The following ZRANB3 variants were observed in gnomAD, a reference collection of about 807,000 sequenced individuals.
The protein encoded by ZRANB3 is DNA annealing helicase and endonuclease ZRANB3.
A neutral mutation model predicts 133.8 loss-of-function variants in ZRANB3; 125 were observed. That is an observed-to-expected ratio of 0.93 (90% confidence interval 0.81 to 1.08). The LOEUF is 1.08. Among genes scored for constraint, ZRANB3 ranks in the 50% least tolerant of loss-of-function variants. The pLI, the probability that ZRANB3 is intolerant of heterozygous loss-of-function variation, is 0.00. For synonymous variants in ZRANB3, 387 were observed against 432.7 expected (o/e 0.89, Z 1.31); for missense variants, 1,229 against 1,275.5 (o/e 0.96, Z 0.56).
chr2:135,277,352 C>T (rs530010431), intron 8 of ZRANB3, among the ~76,000 whole-genome samples: 1 of 152,252 alleles, frequency 6.6e-6, no homozygotes, highest in Admixed American at 6.5e-5. Flanking sequence ...TGTATACATG[C>T]GCAGAGCTTC....
intron 2 of ZRANB3, among the ~76,000 whole-genome samples, chr2:135,394,582 G>C (rs956501752): frequency 2.0e-5 from 3 of 152,248 alleles, no homozygotes; most frequent in South Asian, 2.1e-4. Context: ...AGGAGGAAAA[G>C]AGGAGATGTT....
At chr2:135,215,404 C>A (rs1694263257) in intron 17 of ZRANB3, among the ~76,000 whole-genome samples, 2 of 152,058 alleles carry the variant, frequency 1.3e-5, no homozygotes, top group South Asian at 4.1e-4. Context: ...ACTACAGGCA[C>A]CACCATGCCT....
At chr2:135,241,701 T>G (rs191675866) in intron 12 of ZRANB3, among the ~76,000 whole-genome samples, 14 of 152,234 alleles carry the variant, frequency 9.2e-5, no homozygotes, top group Admixed American at 8.5e-4. Flanking sequence ...GACTCCTAGA[T>G]TTTTGACTTG....
intron 2 of ZRANB3, among the ~76,000 whole-genome samples, chr2:135,460,127 C>A (rs1050315144): frequency 2.0e-5 from 3 of 152,062 alleles, no homozygotes; most frequent in Admixed American, 1.3e-4. Flanking sequence ...TTTAAATGTC[C>A]CTTCCTGACT....
chr2:135,278,946 G>A (rs188833467), intron 8 of ZRANB3, among the ~76,000 whole-genome samples: 12 of 152,186 alleles, frequency 7.9e-5, no homozygotes, highest in African/African-American at 2.6e-4. Context: ...TGTGAGAGTG[G>A]GGCAATAGGG....
intron 8 of ZRANB3, among the ~76,000 whole-genome samples, chr2:135,306,137 G>A (rs1414864185): frequency 6.6e-6 from 1 of 152,134 alleles, no homozygotes; most frequent in Non-Finnish European, 1.5e-5. Context: ...GACTTGGGAA[G>A]TTTTAAACTA....
intron 1 of ZRANB3, among the ~76,000 whole-genome samples, chr2:135,518,976 CTG>C (rs1199877757): frequency 3.9e-5 from 6 of 152,146 alleles, no homozygotes; most frequent in African/African-American, 1.4e-4. Flanking sequence ...ACAGGGGAAA[CTG>C]TTTCTGTCCC....
rs1477098469 is a variant in ZRANB3 at position 135,511,854 on chromosome 2, C to T, written c.-7-7358G>A. 17 of 764,972 alleles carry T rather than the reference C, an allele frequency of 2.2e-5. No homozygotes were observed. The East Asian group carries it at 3.9e-4, about 18-fold the overall frequency. 47.4% of individuals were successfully genotyped at this position (764,972 alleles called of 1,614,324 possible). A position where few individuals can be genotyped will look rare whatever the true frequency, so the allele number is the denominator to read the frequency against. The stretch of plus-strand genomic sequence containing the variant: ...AAGAGTTCCTTCCATAAAATCTATG[C>T]AGCATGTCTGGGGCCTAGTTCAGCA... On this transcript the variant is annotated intron_variant, in intron 1 of 20. Coordinates refer to ENST00000264159, the MANE Select transcript of ZRANB3 (RefSeq NM_032143.4).
rs1279957021 is a variant in ZRANB3, at chr2:135,224,510, C to T, written c.2166G>A (p.Trp722Ter). The stretch of plus-strand genomic sequence containing the variant: ...ACACTGGCAAAGTGTCTGAACTCTT[C>T]CACTGTTCTATTAAAGAAGACAAAA... ...GLTSQPGNEQ[W>*]KSSDTLPVYD... is the part of the protein sequence containing the mutation. The change falls in exon 15 of 21, where the codon TGG becomes TGA. Residue 722 changes from tryptophan to a stop codon, truncating the protein, a stop_gained. Coordinates refer to ENST00000264159, the MANE Select transcript of ZRANB3 (RefSeq NM_032143.4). LOFTEE classifies it high-confidence loss of function. 6.2e-7 allele frequency: 1 copy of T among 1,611,612 alleles called. No individual in the cohort carries two copies. The highest frequency in any genetic ancestry group is 8.5e-7 in the Non-Finnish European group (1 of 1,178,656).
At chr2:135,423,465 C>A (rs1229322070) in intron 2 of ZRANB3, among the ~76,000 whole-genome samples, 1 of 152,126 alleles carries the variant, frequency 6.6e-6, no homozygotes, top group Non-Finnish European at 1.5e-5. Flanking sequence ...AAATAAATTT[C>A]TCCTTGTAAA....
At chr2:135,453,521 C>A (rs1690367203) in intron 2 of ZRANB3, among the ~76,000 whole-genome samples, 1 of 152,170 alleles carries the variant, frequency 6.6e-6, no homozygotes, top group Non-Finnish European at 1.5e-5. Flanking sequence ...CCTCTTGAAT[C>A]CTTTTCTGCT....
At chr2:135,403,432 G>A (rs1022654765) in intron 2 of ZRANB3, among the ~76,000 whole-genome samples, 1 of 152,214 alleles carries the variant, frequency 6.6e-6, no homozygotes, top group Non-Finnish European at 1.5e-5. Flanking sequence ...GCGGAGGCTT[G>A]AGTAGGTAAA....
chr2:135,368,678 T>C (rs1686040415), intron 3 of ZRANB3, among the ~76,000 whole-genome samples: 1 of 152,014 alleles, frequency 6.6e-6, no homozygotes, highest in Non-Finnish European at 1.5e-5. Flanking sequence ...CTTGAGGAGA[T>C]GGATACCCCA....
At chr2:135,517,091 A>G (rs1385635060) in intron 1 of ZRANB3, among the ~76,000 whole-genome samples, 1 of 151,880 alleles carries the variant, frequency 6.6e-6, no homozygotes, top group African/African-American at 2.4e-5. Context: ...TATGATTCAC[A>G]AAGTTCTCAT....
chr2:135,422,267 T>C (rs1033014427), intron 2 of ZRANB3, among the ~76,000 whole-genome samples: 1 of 152,116 alleles, frequency 6.6e-6, no homozygotes, highest in South Asian at 2.1e-4. Flanking sequence ...TCATCTCTCT[T>C]GAACCCACTC....
At chr2:135,204,796 A>G (rs1693793373) in intron 19 of ZRANB3, among the ~76,000 whole-genome samples, 2 of 139,438 alleles carry the variant, frequency 1.4e-5, no homozygotes. Context: ...TACATTATAT[A>G]TACATATAAA....
At chr2:135,243,267 G>A (rs747610499) in intron 12 of ZRANB3, among the ~76,000 whole-genome samples, 1 of 152,220 alleles carries the variant, frequency 6.6e-6, no homozygotes, top group East Asian at 1.9e-4. Context: ...TGTAATCCCA[G>A]CACTTTGGGA....
chr2:135,297,438 A>C (rs1341549254), intron 8 of ZRANB3, among the ~76,000 whole-genome samples: 1 of 152,082 alleles, frequency 6.6e-6, no homozygotes, highest in Non-Finnish European at 1.5e-5. Context: ...GCGCAGTATT[A>C]GGGTGGGAGT....
chr2:135,280,196 A>G (rs1362180816), intron 8 of ZRANB3, among the ~76,000 whole-genome samples: 2 of 152,188 alleles, frequency 1.3e-5, no homozygotes, highest in African/African-American at 4.8e-5. Context: ...TTTTACTAGA[A>G]TTGATCTGTT....
Sources: gnomAD v4.1 joint callset for allele counts (sites outside exome capture counted in the v4.1 genomes callset) on GRCh38, gnomAD v4.1.1 for gene constraint, MANE v1.5 for transcripts, NCBI Gene and HGNC (gene_info 2026-07-23, HGNC 2026-07-21) for gene names.